AUTS2: variants seen among roughly 807,000 people sequenced by gnomAD.
AUTS2 encodes the protein autism susceptibility gene 2 protein.
AUTS2 carries 17 observed loss-of-function variants against 112.4 expected under a neutral mutation model. The observed-to-expected ratio is 0.15, with a 90% confidence interval of 0.10 to 0.23. The LOEUF (loss-of-function observed/expected upper bound fraction) is 0.23. Among genes scored for constraint, AUTS2 ranks in the 10% least tolerant of loss-of-function variants. AUTS2 has a pLI of 1.00. For synonymous variants in AUTS2, 751 were observed against 702.7 expected, an observed-to-expected ratio of 1.07 and a Z score of -1.09; for missense variants, 1,510 against 1,701.6, an observed-to-expected ratio of 0.89 and a Z score of 1.98.
chr7:69,935,365 A>G (rs915724847), intron 2 of AUTS2, among the ~76,000 whole-genome samples: 1 of 152,222 alleles, frequency 6.6e-6, no homozygotes, highest in African/African-American at 2.4e-5. Context: ...GCTACTGGCA[A>G]TAGGGAATCA....
At chr7:69,729,427 C>G (rs919602428) in intron 1 of AUTS2, among the ~76,000 whole-genome samples, 11 of 145,858 alleles carry the variant, frequency 7.5e-5, no homozygotes, top group African/African-American at 2.3e-4. Flanking sequence ...ACACCCCCCC[C>G]CCCATTTTTA....
chr7:69,673,659 T>G (rs970986777), intron 1 of AUTS2, among the ~76,000 whole-genome samples: 4 of 152,204 alleles, frequency 2.6e-5, no homozygotes, highest in African/African-American at 9.6e-5. Context: ...TATATTTGTG[T>G]TTCTGTCAAT....
At chr7:69,665,024 T>C (rs138804963) in intron 1 of AUTS2, among the ~76,000 whole-genome samples, 374 of 152,334 alleles carry the variant, frequency 2.5e-3, no homozygotes, top group African/African-American at 8.6e-3. Flanking sequence ...GGCATCAGGC[T>C]AACTTTGGTA....
At chr7:70,259,268 T>C (rs1433669231) in intron 4 of AUTS2, among the ~76,000 whole-genome samples, 1 of 152,144 alleles carries the variant, frequency 6.6e-6, no homozygotes, top group Non-Finnish European at 1.5e-5. Flanking sequence ...CCTAACCCCT[T>C]TCTTTCATTT....
At chr7:70,494,569 C>A (rs891073139) in intron 5 of AUTS2, among the ~76,000 whole-genome samples, 2 of 151,836 alleles carry the variant, frequency 1.3e-5, no homozygotes, top group Non-Finnish European at 2.9e-5. Context: ...CACGTCCCCA[C>A]CGCCCCTCCC....
chr7:70,291,439 A>G (rs1788703907), intron 4 of AUTS2: 1 of 152,204 alleles, frequency 6.6e-6, no homozygotes, highest in African/African-American at 2.4e-5. Context: ...GATAGCCCAG[A>G]CAATGAAATA....
At chr7:69,798,069 G>A (rs528287356) in intron 1 of AUTS2, among the ~76,000 whole-genome samples, 19 of 152,108 alleles carry the variant, frequency 1.2e-4, no homozygotes, top group Admixed American at 9.8e-4. Flanking sequence ...CTATCAAAGC[G>A]TTAATGTTTT....
chr7:70,777,522 T>C (rs1286680586), intron 14 of AUTS2, among the ~76,000 whole-genome samples: 2 of 151,868 alleles, frequency 1.3e-5, no homozygotes, highest in Non-Finnish European at 2.9e-5. Context: ...TTTGTAGAGA[T>C]AGATAGGGGT....
chr7:69,694,950 T>A lies in AUTS2; in HGVS notation c.309+94988T>A, dbSNP rs531686832. On this transcript the variant is annotated intron_variant, in intron 1 of 18. Transcript: ENST00000342771. ...GCAGGAAAACCCCACTGGAACATTT[T>A]GGGTGTTTACAGAAATGGGTATTCC... Among the ~76,000 whole-genome samples, 4 of 152,298 alleles carry A rather than the reference T, an allele frequency of 2.6e-5. No individual in the cohort carries two copies. The East Asian group carries it at 5.8e-4, about 22-fold the overall frequency.
chr7:69,959,248 G>C (rs1797336537), intron 2 of AUTS2, among the ~76,000 whole-genome samples: 1 of 151,886 alleles, frequency 6.6e-6, no homozygotes, highest in African/African-American at 2.4e-5. Context: ...ATATTTTCTT[G>C]GTTACAATAA....
At chr7:70,539,759 C>G (rs1162099511) in intron 5 of AUTS2, among the ~76,000 whole-genome samples, 1 of 152,144 alleles carries the variant, frequency 6.6e-6, no homozygotes, top group South Asian at 2.1e-4. Flanking sequence ...AGAGTGGCAG[C>G]AATTTTTAAA....
At chr7:70,725,443 G>A (rs1786971316) in intron 6 of AUTS2, among the ~76,000 whole-genome samples, 1 of 152,202 alleles carries the variant, frequency 6.6e-6, no homozygotes, top group African/African-American at 2.4e-5. Flanking sequence ...GAATTATGTT[G>A]TAAGAATGAA....
rs1806710283 is a variant in AUTS2, at chr7:70,138,936, T to C, written c.660+4365T>C. 2.6e-5 allele frequency among the ~76,000 whole-genome samples: 4 copies of C among 152,136 alleles called. No individual in the cohort carries two copies. In the South Asian group the frequency reaches 8.3e-4, roughly 32 times the overall value. ...TTTGACTATAAACCCTTGAAATATC[T>C]CCTGTTTTCCTTTGCTATAATTTTG... On this transcript the variant is annotated intron_variant, in intron 4 of 18. Transcript: ENST00000342771.
chr7:69,657,368 A>G (rs1584020656), intron 1 of AUTS2, among the ~76,000 whole-genome samples: 1 of 152,198 alleles, frequency 6.6e-6, no homozygotes, highest in Non-Finnish European at 1.5e-5. Flanking sequence ...CACTTAGGGG[A>G]AAAAACCTGT....
At chr7:69,670,278 C>T (rs117288640) in intron 1 of AUTS2, among the ~76,000 whole-genome samples, 2,116 of 152,206 alleles carry the variant, frequency 0.014, 26 homozygotes, top group Middle Eastern at 0.037. Flanking sequence ...AGGTCCTTTC[C>T]AGCCCTAAAA....
At chr7:69,786,735 T>G (rs943089855) in intron 1 of AUTS2, among the ~76,000 whole-genome samples, 1 of 152,210 alleles carries the variant, frequency 6.6e-6, no homozygotes, top group Non-Finnish European at 1.5e-5. Context: ...ATTACAGGCC[T>G]GAGCCACCGT....
At chr7:69,645,940 C>T (rs1346844056) in intron 1 of AUTS2, among the ~76,000 whole-genome samples, 1 of 151,546 alleles carries the variant, frequency 6.6e-6, no homozygotes, top group African/African-American at 2.4e-5. Flanking sequence ...GACTGGTGGC[C>T]TGGGGGTGTC....
chr7:69,941,379 A>G (rs747424314), intron 2 of AUTS2, among the ~76,000 whole-genome samples: 6 of 152,196 alleles, frequency 3.9e-5, no homozygotes, highest in African/African-American at 7.2e-5. Flanking sequence ...TTCTCCCTTG[A>G]GCTAACTCTA....
At chr7:70,248,113 A>G (rs1813022460) in intron 4 of AUTS2, among the ~76,000 whole-genome samples, 1 of 152,150 alleles carries the variant, frequency 6.6e-6, no homozygotes, top group South Asian at 2.1e-4. Flanking sequence ...TGCTAGATTC[A>G]GTTTGCTGAC....
Sources: allele counts gnomAD v4.1 joint callset (sites outside exome capture counted in the v4.1 genomes callset), GRCh38; gene constraint gnomAD v4.1.1; transcripts MANE v1.5; gene names NCBI Gene and HGNC (gene_info 2026-07-23, HGNC 2026-07-21).